Variants in PFKP observed in about 807,000 individuals in gnomAD.
PFKP encodes phosphofructokinase, platelet.
In PFKP, 101 loss-of-function variants were observed where a neutral mutation model predicts 94.3. The observed-to-expected ratio is 1.07, with a 90% CI of 0.91 to 1.26. PFKP has a LOEUF of 1.26. PFKP is among the 50% of genes most tolerant of loss of function. The pLI is 0.00. For synonymous variants in PFKP, 573 were observed against 432.6 expected, an observed-to-expected ratio of 1.32 and a Z score of -4.03; for missense variants, 1,145 against 1,103.3, an observed-to-expected ratio of 1.04 and a Z score of -0.53.
chr10:3,086,835 G>A (rs747418458), intron 2 of PFKP, among the ~76,000 whole-genome samples: 10 of 152,300 alleles, frequency 6.6e-5, no homozygotes, highest in South Asian at 2.1e-4. Context: ...ACTGTGTGCT[G>A]TAGTCGCCCG....
chr10:3,126,142 G>A (rs1349242598), intron 16 of PFKP, among the ~76,000 whole-genome samples: 1 of 152,242 alleles, frequency 6.6e-6, no homozygotes, highest in East Asian at 1.9e-4. Flanking sequence ...CAGAACCTCG[G>A]AAGACAGCAG....
intron 17 of PFKP, among the ~76,000 whole-genome samples, chr10:3,131,003 T>G (rs947748477): frequency 6.6e-6 from 1 of 152,252 alleles, no homozygotes; most frequent in Non-Finnish European, 1.5e-5. Flanking sequence ...TGCATCATGA[T>G]GTTTCTGTCA....
chr10:3,071,427 G>GTTTTTTTTTTTTTTTTTTTTTTT (rs569603765), intron 1 of PFKP, among the ~76,000 whole-genome samples: 2 of 92,464 alleles, frequency 2.2e-5, no homozygotes, highest in South Asian at 7.1e-4. Flanking sequence ...GTCTCAGGCT[G>GTTTTTTTTTTTTTTTTTTTTTTT]TTTTTTTTTT....
intron 17 of PFKP, among the ~76,000 whole-genome samples, chr10:3,131,545 C>T (rs1254448005): frequency 6.6e-6 from 1 of 152,186 alleles, no homozygotes; most frequent in South Asian, 2.1e-4. Flanking sequence ...CAACTTCCGC[C>T]TCCTGGGTTT....
At chr10:3,075,161 C>T (rs565473341) in intron 1 of PFKP, among the ~76,000 whole-genome samples, 1 of 152,338 alleles carries the variant, frequency 6.6e-6, no homozygotes, top group African/African-American at 2.4e-5. Flanking sequence ...AGCAGTTTTC[C>T]ACCCTGGGTG....
chr10:3,094,661 C>G (rs963243529), intron 2 of PFKP, among the ~76,000 whole-genome samples: 4 of 152,150 alleles, frequency 2.6e-5, no homozygotes, highest in Admixed American at 6.5e-5. Context: ...CTTTGAAAAC[C>G]ATTGACATAG....
chr10:3,136,799 C>T lies in PFKP; in HGVS notation c.*220C>T. The T allele has an allele frequency of 4.6e-6, 2 of 433,950 alleles. No homozygotes were observed. Among genetic ancestry groups the T allele is most frequent in the South Asian group, 5.0e-5 (2 of 40,026 alleles). 26.9% of individuals were successfully genotyped at this position (433,950 alleles called of 1,614,324 possible). A position where few individuals can be genotyped will look rare whatever the true frequency, so the allele number is the denominator to read the frequency against. On this transcript the variant is annotated 3_prime_UTR_variant, in exon 22 of 22. Transcript: ENST00000381125. ...ATTAATTAAACATTTGCCTATGACT[C>T]CAACAGTCCTCTGTTTTAGTTTTTT...
At chr10:3,079,265 C>G (rs188335363) in intron 1 of PFKP, among the ~76,000 whole-genome samples, 198 of 151,748 alleles carry the variant, frequency 1.3e-3, no homozygotes, top group Non-Finnish European at 2.4e-3. Context: ...GACAGAGTCT[C>G]GCTCTGTCGC....
At chr10:3,107,555 G>A (rs1278827515) in intron 8 of PFKP, among the ~76,000 whole-genome samples, 1 of 152,260 alleles carries the variant, frequency 6.6e-6, no homozygotes, top group African/African-American at 2.4e-5. Flanking sequence ...CCAGCAGACA[G>A]AGGGGGTCAG....
intron 1 of PFKP, among the ~76,000 whole-genome samples, chr10:3,074,203 G>T (rs1832409615): frequency 6.6e-6 from 1 of 152,188 alleles, no homozygotes; most frequent in Non-Finnish European, 1.5e-5. Flanking sequence ...GTCAGGACAG[G>T]ATTTTGGCAA....
intron 5 of PFKP, 53 bp from the exon 6 acceptor site, chr10:3,105,062 C>G (rs1415992776): frequency 7.7e-6 from 12 of 1,562,338 alleles, no homozygotes; most frequent in Non-Finnish European, 9.7e-6. Flanking sequence ...GGTGCTCCCT[C>G]TGTTTCTCTG....
At chr10:3,092,970 T>TG (rs1285042488) in intron 2 of PFKP, among the ~76,000 whole-genome samples, 1 of 94,246 alleles carries the variant, frequency 1.1e-5, no homozygotes, top group Non-Finnish European at 2.2e-5. Flanking sequence ...GATGTGTGGA[T>TG]GGGGGTAGGG....
rs1217686109 is a variant in PFKP, at chr10:3,099,359, A to T, written c.264+7A>T. 1.9e-6 allele frequency: 3 copies of T among 1,611,136 alleles called. No homozygotes were observed. In the African/African-American group the frequency reaches 4.0e-5, roughly 22 times the overall value. On this transcript the variant is annotated splice_region_variant and intron_variant, in intron 3 of 21. Coordinates refer to ENST00000381125, the MANE Select transcript of PFKP (RefSeq NM_002627.5). The stretch of plus-strand genomic sequence containing the variant: ...CTCCAGCATCCTGCAAGTGGTAGGT[A>T]CTGGGCTGCGTCCACAGGGTTCTCT...
At chr10:3,087,036 G>T (rs1261563411) in intron 2 of PFKP, among the ~76,000 whole-genome samples, 1 of 151,816 alleles carries the variant, frequency 6.6e-6, no homozygotes, top group Non-Finnish European at 1.5e-5. Context: ...GCAGTGGTGT[G>T]ATCTCAGCTC....
chr10:3,117,145 T>C (rs1222743455), intron 14 of PFKP, among the ~76,000 whole-genome samples: 1 of 152,194 alleles, frequency 6.6e-6, no homozygotes, highest in Non-Finnish European at 1.5e-5. Context: ...TTGGAGGTCA[T>C]AAAGATGAGT....
chr10:3,113,649 AC>A, intron 13 of PFKP, 131 bp downstream of exon 13: 2 of 331,882 alleles, frequency 6.0e-6, no homozygotes, highest in African/African-American at 1.1e-4. Flanking sequence ...TGATATTGTG[AC>A]TGAAGCATTG....
intron 2 of PFKP, among the ~76,000 whole-genome samples, chr10:3,083,816 GT>G (rs1833272408): frequency 1.3e-5 from 2 of 151,998 alleles, no homozygotes; most frequent in Non-Finnish European, 2.9e-5. Flanking sequence ...TAATTTTTGT[GT>G]TTTTTAGTAG....
chr10:3,116,869 A>G (rs1212833455), intron 14 of PFKP, 23 bp downstream of exon 14: 3 of 1,535,496 alleles, frequency 2.0e-6, no homozygotes, highest in Non-Finnish European at 2.7e-6. Context: ...TCTCAACTCT[A>G]TGACCTGCTT....
At chr10:3,134,705 A>C (rs1839024258) in intron 20 of PFKP, 123 bp downstream of exon 20, 2 of 638,670 alleles carry the variant, frequency 3.1e-6, no homozygotes, top group Admixed American at 2.5e-5. Context: ...ACTGAGCTGC[A>C]CGTGATGTTT....
Sources: allele counts gnomAD v4.1 joint callset (sites outside exome capture counted in the v4.1 genomes callset), GRCh38; gene constraint gnomAD v4.1.1; transcripts MANE v1.5; gene names NCBI Gene and HGNC (gene_info 2026-07-23, HGNC 2026-07-21).